Variants in KIAA1549 observed in about 807,000 individuals in gnomAD.
KIAA1549 encodes the protein KIAA1549.
In KIAA1549, 70 loss-of-function variants were observed where a neutral mutation model predicts 156.4. The observed-to-expected ratio is 0.45, with a 90% CI of 0.37 to 0.55. The LOEUF is 0.55. Among genes scored for constraint, KIAA1549 ranks in the 20% least tolerant of loss-of-function variants. The probability of loss-of-function intolerance (pLI) is 0.00; values close to 1 mark genes in which losing one functional copy is unlikely to be tolerated. For synonymous variants in KIAA1549, 1,103 were observed against 1,066.4 expected, an observed-to-expected ratio of 1.03 and a Z score of -0.67; for missense variants, 2,428 against 2,540.9, an observed-to-expected ratio of 0.96 and a Z score of 0.96.
At chr7:138,943,801 A>T (rs1463808433) in intron 1 of KIAA1549, among the ~76,000 whole-genome samples, 3 of 152,034 alleles carry the variant, frequency 2.0e-5, no homozygotes, top group Non-Finnish European at 4.4e-5. Flanking sequence ...GTGAGCTGAG[A>T]TCGCACCACT....
intron 1 of KIAA1549, among the ~76,000 whole-genome samples, chr7:138,922,502 C>T (rs1812593035): frequency 6.6e-6 from 1 of 151,976 alleles, no homozygotes; most frequent in African/African-American, 2.4e-5. Flanking sequence ...TTATGAGACC[C>T]ATTTTTTAAG....
Position 138,837,274 on chromosome 7 carries a change from G to A in KIAA1549, c.*632C>T, listed in dbSNP as rs1364103294. 4.4e-6 allele frequency: 1 copy of A among 228,320 alleles called. No individual in the cohort carries two copies. The highest frequency in any genetic ancestry group is 6.3e-5 in the East Asian group (1 of 15,882). 14.1% of individuals were successfully genotyped at this position (228,320 alleles called of 1,614,324 possible). A position where few individuals can be genotyped will look rare whatever the true frequency, so the allele number is the denominator to read the frequency against. ...TCAGACATGAAGGTGAAGGGCCCTT[G>A]GAGCTGTAGCACCAGAAGAAGGAGG... On this transcript the variant is annotated 3_prime_UTR_variant, in exon 20 of 20. Coordinates refer to ENST00000422774, the MANE Select transcript of KIAA1549 (RefSeq NM_001164665.2).
chr7:138,907,686 G>A (rs1812045748), intron 5 of KIAA1549, among the ~76,000 whole-genome samples: 1 of 152,104 alleles, frequency 6.6e-6, no homozygotes, highest in African/African-American at 2.4e-5. Context: ...CTTCCTAACT[G>A]CCACACCCAG....
At chr7:138,926,470 A>G (rs1179645588) in intron 1 of KIAA1549, among the ~76,000 whole-genome samples, 1 of 151,950 alleles carries the variant, frequency 6.6e-6, no homozygotes, top group African/African-American at 2.4e-5. Context: ...TTTTTAGTAG[A>G]CATGGGGTTT....
intron 16 of KIAA1549, among the ~76,000 whole-genome samples, chr7:138,857,252 A>G (rs1210916964): frequency 6.6e-6 from 1 of 152,146 alleles, no homozygotes; most frequent in Non-Finnish European, 1.5e-5. Flanking sequence ...ACCCACATAC[A>G]CACACACTAC....
chr7:138,933,427 T>G (rs888339974), intron 1 of KIAA1549, among the ~76,000 whole-genome samples: 1 of 152,188 alleles, frequency 6.6e-6, no homozygotes, highest in Non-Finnish European at 1.5e-5. Flanking sequence ...ACTGAGGAAC[T>G]GAGCAGACTG....
chr7:138,936,682 C>T (rs570119441), intron 1 of KIAA1549, among the ~76,000 whole-genome samples: 1 of 152,204 alleles, frequency 6.6e-6, no homozygotes, highest in East Asian at 1.9e-4. Context: ...TGACAAGTTC[C>T]CACCTTGTCC....
At chr7:138,973,995 A>G (rs1814298849) in intron 1 of KIAA1549, among the ~76,000 whole-genome samples, 1 of 152,214 alleles carries the variant, frequency 6.6e-6, no homozygotes, top group Non-Finnish European at 1.5e-5. Context: ...TCAATGAATG[A>G]ATGTACAGGT....
At chr7:138,850,047 C>T (rs1182193074) in intron 17 of KIAA1549, among the ~76,000 whole-genome samples, 2 of 152,038 alleles carry the variant, frequency 1.3e-5, no homozygotes, top group Non-Finnish European at 2.9e-5. Context: ...TTCTTCACAG[C>T]CGAACAATTT....
intron 1 of KIAA1549, among the ~76,000 whole-genome samples, chr7:138,925,699 G>A (rs113941691): frequency 0.025 from 3,750 of 151,612 alleles, 74 homozygotes; most frequent in Admixed American, 0.043. Flanking sequence ...GCATGGTGGC[G>A]ACCACCTGTA....
At chr7:138,854,419 G>C (rs1475874652) in intron 16 of KIAA1549, among the ~76,000 whole-genome samples, 1 of 152,128 alleles carries the variant, frequency 6.6e-6, no homozygotes, top group Non-Finnish European at 1.5e-5. Flanking sequence ...CTATCACGTG[G>C]CCTGACTCAC....
rs143334379 is a variant in KIAA1549, at chr7:138,960,857, A to T, written c.187+20226T>A. Among the ~76,000 whole-genome samples the T allele has an allele frequency of 1.7e-4, 26 of 152,376 alleles. No homozygotes were observed. In the East Asian group the frequency reaches 4.4e-3, roughly 26 times the overall value. On this transcript the variant is annotated intron_variant, in intron 1 of 19. Coordinates refer to ENST00000422774, the MANE Select transcript of KIAA1549 (RefSeq NM_001164665.2). ...CTTCCGGATTTTCCAAAGAGATCAA[A>T]CTATTATGAAGCAAAGTCTCCAGGA...
chr7:138,852,089 TC>T, intron 17 of KIAA1549, 133 bp downstream of exon 17: 1 of 569,740 alleles, frequency 1.8e-6, no homozygotes, highest in East Asian at 3.1e-5. Context: ...TCCCTCCTCT[TC>T]TGGTTAGATC....
intron 15 of KIAA1549, among the ~76,000 whole-genome samples, chr7:138,865,025 T>G (rs1162963255): frequency 6.6e-6 from 1 of 152,158 alleles, no homozygotes; most frequent in East Asian, 1.9e-4. Flanking sequence ...CCCAGGAGTC[T>G]GAGACCAGCC....
In KIAA1549 at chr7:138,981,262, C is replaced by T. The variant is rs1814544586; in HGVS notation, c.8G>A (p.Gly3Glu). 1.0e-6 allele frequency: 1 copy of T among 979,704 alleles called. No homozygotes were observed. The highest frequency in any genetic ancestry group is 1.2e-6 in the Non-Finnish European group (1 of 827,248). The allele number at this position is 979,704 out of a possible 1,614,324, so 60.7% of individuals were successfully genotyped here. The change falls in exon 1 of 20, where the codon GGG becomes GAG. Residue 3 changes from glycine (G) to glutamate (E), a missense_variant. Coordinates refer to ENST00000422774, the MANE Select transcript of KIAA1549 (RefSeq NM_001164665.2). The surrounding 1 kb of genome is among the most constrained non-coding windows in gnomAD (Gnocchi z 4.5). ...CGCGCCTCGGCGTCGGCGCCGCGCC[C>T]CCGGCATTCCCGGCCGGCGCCCCGG... MP[G>E]ARRRRRGAAM...
At chr7:138,848,542 T>G (rs928764757) in intron 17 of KIAA1549, among the ~76,000 whole-genome samples, 1 of 152,222 alleles carries the variant, frequency 6.6e-6, no homozygotes, top group Non-Finnish European at 1.5e-5. Context: ...TGAGATCCTT[T>G]TGTGTCTACT....
chr7:138,942,802 C>T (rs143058583), intron 1 of KIAA1549, among the ~76,000 whole-genome samples: 3,643 of 151,782 alleles, frequency 0.024, 129 homozygotes, highest in African/African-American at 0.083. Flanking sequence ...CCCAGCTACT[C>T]GGGAGGCTGA....
In KIAA1549 at chr7:138,946,488, T is replaced by A. The variant is rs181039065; in HGVS notation, c.188-27050A>T. ...GATATTCTAAAACAGAATTTTTTTT[T>A]AAAAGGCCTGGCCGGGCACGGTGGC... On this transcript the variant is annotated intron_variant, in intron 1 of 19. Coordinates refer to ENST00000422774, the MANE Select transcript of KIAA1549 (RefSeq NM_001164665.2). 8.4e-4 allele frequency among the ~76,000 whole-genome samples: 128 copies of A among 152,228 alleles called. 2 individuals are homozygous for A. Among genetic ancestry groups the A allele is most frequent in the African/African-American group, 2.9e-3 (119 of 41,536 alleles).
chr7:138,895,697 G>A (rs1811665505), intron 9 of KIAA1549, among the ~76,000 whole-genome samples: 1 of 151,840 alleles, frequency 6.6e-6, no homozygotes, highest in South Asian at 2.1e-4. Context: ...TGTTAAATTG[G>A]TACATTTCTT....
Sources: gnomAD v4.1 joint callset for allele counts (sites outside exome capture counted in the v4.1 genomes callset) on GRCh38, gnomAD v4.1.1 for gene constraint, Gnocchi (gnomAD v3.1) non-coding constraint, MANE v1.5 for transcripts, NCBI Gene and HGNC (gene_info 2026-07-23, HGNC 2026-07-21) for gene names.